Variants in SPSB1 observed in about 807,000 individuals in gnomAD.
The protein encoded by SPSB1 is SPRY domain-containing SOCS box protein 1.
A neutral mutation model predicts 21.2 loss-of-function variants in SPSB1; 8 were observed. That is an observed-to-expected ratio of 0.38 (90% CI 0.22 to 0.68). The LOEUF (loss-of-function observed/expected upper bound fraction) is 0.68, where lower values mean the gene tolerates loss of function less well. SPSB1 is among the 30% of genes least tolerant of loss of function. SPSB1 has a pLI of 0.53. For missense variants in SPSB1, 242 were observed against 377.8 expected, an observed-to-expected ratio of 0.64 and a Z score of 2.98; for synonymous variants, 169 against 161.7, an observed-to-expected ratio of 1.05 and a Z score of -0.34.
rs765058635 is a variant in SPSB1 at position 9,367,432 on chromosome 1, TTC to T, written c.695-12_695-11del. 11 of 1,613,140 alleles carry T rather than the reference TTC, an allele frequency of 6.8e-6. No homozygotes were observed. The highest frequency in any genetic ancestry group is 2.2e-5 in the South Asian group (2 of 91,086). The stretch of plus-strand genomic sequence containing the variant: ...CACCCAAGCTGCGCTGACCTGCAGT[TTC>T]TCTGTCTCCCCAGCCGAGCCGCTGC... On this transcript the variant is annotated splice_polypyrimidine_tract_variant and intron_variant, in intron 2 of 2. Coordinates refer to ENST00000328089, the MANE Select transcript of SPSB1 (RefSeq NM_025106.4). The surrounding 1 kb of genome is among the most constrained non-coding windows in gnomAD (Gnocchi z 5.9).
intron 1 of SPSB1, among the ~76,000 whole-genome samples, chr1:9,304,114 G>T (rs1569570696): frequency 6.6e-6 from 1 of 152,328 alleles, no homozygotes; most frequent in East Asian, 1.9e-4. Context: ...GCGAATCCTG[G>T]CTCTCTGTCC....
At chr1:9,300,215 C>T (rs975438521) in intron 1 of SPSB1, among the ~76,000 whole-genome samples, 2 of 152,184 alleles carry the variant, frequency 1.3e-5, no homozygotes, top group Admixed American at 6.5e-5. Context: ...TACAGCTTTC[C>T]TCCTGCAACC....
chr1:9,332,228 ATTTG>A lies in SPSB1; in HGVS notation c.-149-23510_-149-23507del, dbSNP rs544679302. Among the ~76,000 whole-genome samples the A allele has an allele frequency of 9.9e-4, 151 of 151,944 alleles. 1 individual carries two copies. Among genetic ancestry groups the A allele is most frequent in the African/African-American group, 3.6e-3 (150 of 41,454 alleles). On this transcript the variant is annotated intron_variant, in intron 1 of 2. Coordinates refer to ENST00000328089, the MANE Select transcript of SPSB1 (RefSeq NM_025106.4). ...ATCTCAATGAGAGCGTTTTAGGAAG[ATTTG>A]TTTGAGTGGGCTGAGATCTAAGGGA...
intron 1 of SPSB1, among the ~76,000 whole-genome samples, chr1:9,347,821 G>A (rs139181482): frequency 1.3e-5 from 2 of 152,232 alleles, no homozygotes; most frequent in African/African-American, 2.4e-5. Context: ...CATGGACAGG[G>A]ACTGCCTCGT....
chr1:9,307,528 A>G (rs1400216004), intron 1 of SPSB1, among the ~76,000 whole-genome samples: 3 of 152,164 alleles, frequency 2.0e-5, no homozygotes, highest in Non-Finnish European at 4.4e-5. Context: ...GGCTAATTAA[A>G]TTTTGCATGG....
chr1:9,339,092 G>A (rs919461117), intron 1 of SPSB1, among the ~76,000 whole-genome samples: 1 of 152,156 alleles, frequency 6.6e-6, no homozygotes, highest in East Asian at 1.9e-4. Context: ...GCTCCGGCCA[G>A]GGCTGATCCA....
rs113426738 is a variant in SPSB1, at chr1:9,321,106, C to G, written c.-150+28035C>G. On this transcript the variant is annotated intron_variant, in intron 1 of 2. Transcript: ENST00000328089. The surrounding 1 kb of genome is among the most constrained non-coding windows in gnomAD (Gnocchi z 4.8). ...CTGTTTCCCTTTCAGCCTTTTCCTTCTACCCCTCCCCCGAAAAGAAAACAA... is the reference window on the plus strand; with the variant it reads ...CTGTTTCCCTTTCAGCCTTTTCCTTGTACCCCTCCCCCGAAAAGAAAACAA... 0.017 allele frequency among the ~76,000 whole-genome samples: 2,521 copies of G among 152,220 alleles called. 39 individuals are homozygous for G. Among genetic ancestry groups the G allele is most frequent in the Non-Finnish European group, 0.027 (1,817 of 68,000 alleles).
chr1:9,339,489 G>C (rs565705466), intron 1 of SPSB1, among the ~76,000 whole-genome samples: 4 of 152,250 alleles, frequency 2.6e-5, no homozygotes, highest in Admixed American at 6.5e-5. Context: ...CTCCGTGGAG[G>C]AGGGGCCCCT....
chr1:9,324,366 C>T lies in SPSB1; in HGVS notation c.-150+31295C>T, dbSNP rs1360019486. 1.3e-5 allele frequency among the ~76,000 whole-genome samples: 2 copies of T among 152,146 alleles called. No homozygotes were observed. On this transcript the variant is annotated intron_variant, in intron 1 of 2. Transcript: ENST00000328089. The surrounding 1 kb of genome is among the most constrained non-coding windows in gnomAD (Gnocchi z 4.3). ...GGCTCTGCTCTGGTGAGTTCTGCTG[C>T]GATCCTGTGGCTCAGCACGTGGTAG...
intron 1 of SPSB1, among the ~76,000 whole-genome samples, chr1:9,301,501 C>T (rs997989779): frequency 6.6e-6 from 1 of 151,874 alleles, no homozygotes; most frequent in African/African-American, 2.4e-5. Context: ...AAAAACCCAA[C>T]CAAACAAAAA....
intron 1 of SPSB1, among the ~76,000 whole-genome samples, chr1:9,352,791 C>T (rs1374946927): frequency 6.6e-6 from 1 of 151,754 alleles, no homozygotes; most frequent in Non-Finnish European, 1.5e-5. Flanking sequence ...TTTCAATTAC[C>T]TGCTAGAGGA....
intron 1 of SPSB1, among the ~76,000 whole-genome samples, chr1:9,316,532 G>A (rs1001141239): frequency 6.6e-6 from 1 of 152,046 alleles, no homozygotes; most frequent in African/African-American, 2.4e-5. Flanking sequence ...CAGGCATCAC[G>A]CCTTGAGGTG....
intron 1 of SPSB1, among the ~76,000 whole-genome samples, chr1:9,319,582 T>C (rs1557450975): frequency 6.6e-6 from 1 of 152,112 alleles, no homozygotes; most frequent in Non-Finnish European, 1.5e-5. Flanking sequence ...GGTCAGGCCC[T>C]CTGGCCTGCG....
At position 9,356,541 on chromosome 1, in the gene SPSB1, G is replaced by A; in HGVS notation, c.650G>A (p.Trp217Ter). 2 of 1,604,752 alleles carry A rather than the reference G, an allele frequency of 1.2e-6. No individual in the cohort carries two copies. The highest frequency in any genetic ancestry group is 1.7e-6 in the Non-Finnish European group (2 of 1,172,500). Residue 217 changes from tryptophan (W) to a stop codon, truncating the protein, a stop_gained, in exon 2 of 3, where the codon TGG (tryptophan) becomes TAG (stop). Coordinates refer to ENST00000328089, the MANE Select transcript of SPSB1 (RefSeq NM_025106.4). LOFTEE classifies it high-confidence loss of function. This position sits in a 1 kb window ranked among gnomAD's most constrained non-coding sequence, Gnocchi z 7.4. ...KKLYPVVSAVWGHCEIRMRYL... is the reference protein window; with the variant it reads ...KKLYPVVSAV ...CTGTATCCTGTAGTGAGTGCCGTCT[G>A]GGGCCACTGTGAGATCCGAATGCGC...
Position 9,352,706 on chromosome 1 carries a change from C to T in SPSB1, c.-149-3037C>T, listed in dbSNP as rs954327464. ...CCTGTCTCACCCCACTTCACCCTTT[C>T]AGAGCAACCCTCTGAGGTGTTACTC... On this transcript the variant is annotated intron_variant, in intron 1 of 2. Coordinates refer to ENST00000328089, the MANE Select transcript of SPSB1 (RefSeq NM_025106.4). Among the ~76,000 whole-genome samples the T allele has an allele frequency of 9.2e-5, 14 of 151,518 alleles. No individual in the cohort carries two copies. The East Asian group carries it at 2.6e-3, about 28-fold the overall frequency.
At chr1:9,314,903 G>A (rs1352971266) in intron 1 of SPSB1, among the ~76,000 whole-genome samples, 5 of 152,250 alleles carry the variant, frequency 3.3e-5, no homozygotes, top group African/African-American at 1.2e-4. Flanking sequence ...TGCGGCAAAG[G>A]AGAACAGCAT....
intron 1 of SPSB1, among the ~76,000 whole-genome samples, chr1:9,334,421 A>T (rs1420366780): frequency 6.6e-6 from 1 of 151,992 alleles, no homozygotes; most frequent in Non-Finnish European, 1.5e-5. Context: ...GGGTTTCGCC[A>T]TGTTGACCAG....
Position 9,324,544 on chromosome 1 carries a change from G to A in SPSB1, c.-149-31199G>A, listed in dbSNP as rs991251521. Among the ~76,000 whole-genome samples, 20 of 152,168 alleles carry A rather than the reference G, an allele frequency of 1.3e-4. No individual in the cohort carries two copies. Among genetic ancestry groups the A allele is most frequent in the Admixed American group, 1.2e-3 (19 of 15,284 alleles). ...CTCGGTGTGTCCGATGAGGAAACCAGCTTGGGTGGGGAGGGGGAGTCAAGA... is the reference window on the plus strand; with the variant it reads ...CTCGGTGTGTCCGATGAGGAAACCAACTTGGGTGGGGAGGGGGAGTCAAGA... On this transcript the variant is annotated intron_variant, in intron 1 of 2. Transcript: ENST00000328089. This position sits in a 1 kb window ranked among gnomAD's most constrained non-coding sequence, Gnocchi z 4.3.
chr1:9,310,676 T>C (rs1639501822), intron 1 of SPSB1, among the ~76,000 whole-genome samples: 1 of 150,684 alleles, frequency 6.6e-6, no homozygotes, highest in Admixed American at 6.6e-5. Flanking sequence ...GCCTGGGCAA[T>C]GGGAGTTAGA....
Sources: gnomAD v4.1 joint callset for allele counts (sites outside exome capture counted in the v4.1 genomes callset) on GRCh38, gnomAD v4.1.1 for gene constraint, Gnocchi (gnomAD v3.1) non-coding constraint, MANE v1.5 for transcripts, NCBI Gene and HGNC (gene_info 2026-07-23, HGNC 2026-07-21) for gene names.